The following IQCH variants were observed in gnomAD, a reference collection of about 807,000 sequenced individuals.
IQCH encodes IQ domain-containing protein H.
Under a neutral mutation model 117.0 loss-of-function variants are expected in IQCH, and 98 were observed. The observed-to-expected ratio is 0.84, with a 90% confidence interval of 0.71 to 0.99. The LOEUF (loss-of-function observed/expected upper bound fraction) is 0.99, where lower values mean the gene tolerates loss of function less well. Ranked by LOEUF, IQCH falls within the 50% of genes least tolerant of loss-of-function variation. The pLI is 0.00. For missense variants in IQCH, 1,102 were observed against 1,243.8 expected (o/e 0.89, Z 1.72); for synonymous variants, 412 against 448.2 (o/e 0.92, Z 1.02).
intron 4 of IQCH, among the ~76,000 whole-genome samples, chr15:67,295,705 T>C (rs112073840): frequency 6.6e-6 from 1 of 152,316 alleles, no homozygotes; most frequent in African/African-American, 2.4e-5. Flanking sequence ...TGGTCACATA[T>C]AGACAAATGA....
At chr15:67,452,932 T>C (rs2082568148) in intron 16 of IQCH, among the ~76,000 whole-genome samples, 1 of 152,210 alleles carries the variant, frequency 6.6e-6, no homozygotes, top group Non-Finnish European at 1.5e-5. Flanking sequence ...TTCTTTTTAT[T>C]CTTTTTTCTC....
At chr15:67,346,020 A>T (rs1321711750) in intron 6 of IQCH, among the ~76,000 whole-genome samples, 1 of 152,142 alleles carries the variant, frequency 6.6e-6, no homozygotes, top group Admixed American at 6.5e-5. Context: ...ATAGGACTAG[A>T]CACAAATTAA....
At chr15:67,305,613 G>A (rs556238577) in intron 4 of IQCH, among the ~76,000 whole-genome samples, 19 of 152,162 alleles carry the variant, frequency 1.2e-4, no homozygotes, top group African/African-American at 4.3e-4. Context: ...CTCTTTTGTT[G>A]TTGGTTTTCC....
intron 4 of IQCH, among the ~76,000 whole-genome samples, chr15:67,331,448 A>G (rs1009195827): frequency 6.6e-6 from 1 of 151,862 alleles, no homozygotes; most frequent in Non-Finnish European, 1.5e-5. Context: ...TGGAACTCAT[A>G]AATAAACTAT....
rs748834126 is a variant in IQCH at position 67,478,756 on chromosome 15, T to C, written c.2799+2938T>C. ...CTGGCCAACATGGTGAAACCCCGTC[T>C]GTACTAAAAATACAAAAATTAGCTG... On this transcript the variant is annotated intron_variant, in intron 18 of 20. Transcript: ENST00000335894. Among the ~76,000 whole-genome samples, 7 of 151,986 alleles carry C rather than the reference T, an allele frequency of 4.6e-5. No homozygotes were observed. The South Asian group carries it at 6.2e-4, about 14-fold the overall frequency.
intron 1 of IQCH, 150 bp from the exon 2 acceptor site, chr15:67,261,122 A>T: frequency 2.2e-6 from 1 of 460,062 alleles, no homozygotes; most frequent in Non-Finnish European, 3.8e-6. Context: ...ATGCCTTACA[A>T]CCGTAAAAGT....
In IQCH at chr15:67,430,907, A is replaced by G. The variant is rs1320044024; in HGVS notation, c.2505+9330A>G. On this transcript the variant is annotated intron_variant, in intron 16 of 20. Transcript: ENST00000335894. The surrounding 1 kb of genome is among the most constrained non-coding windows in gnomAD (Gnocchi z 5.1). Reference sequence around the variant, plus strand: ...AGTGACAACTACGTAGAACAATAAAAGAGACATCAAAAAGGTAATATCAGT... The same window carrying G: ...AGTGACAACTACGTAGAACAATAAAGGAGACATCAAAAAGGTAATATCAGT... Among the ~76,000 whole-genome samples the G allele has an allele frequency of 6.6e-6, 1 of 152,258 alleles. No individual in the cohort carries two copies. The highest frequency in any genetic ancestry group is 1.5e-5 in the Non-Finnish European group (1 of 68,054).
At position 67,455,623 on chromosome 15, in the gene IQCH, G is replaced by A. The variant is rs147890018; in HGVS notation, c.2506-9504G>A. Among the ~76,000 whole-genome samples, 25 of 152,266 alleles carry A rather than the reference G, an allele frequency of 1.6e-4. No homozygotes were observed. The East Asian group carries it at 3.1e-3, about 19-fold the overall frequency. ...ACCGAGAGAGGATTTTGCTTTGCAC[G>A]ATGGTCATCGAAGGCTGTTCATAGG... is the stretch of plus-strand genomic sequence containing the variant. On this transcript the variant is annotated intron_variant, in intron 16 of 20. Transcript: ENST00000335894.
In IQCH at chr15:67,400,824, T is replaced by C. The variant is rs562253185; in HGVS notation, c.2097+519T>C. 8.8e-4 allele frequency among the ~76,000 whole-genome samples: 134 copies of C among 152,170 alleles called. 3 individuals are homozygous for C. In the South Asian group the frequency reaches 0.027, roughly 31 times the overall value. On this transcript the variant is annotated intron_variant, in intron 14 of 20. Coordinates refer to ENST00000335894, the MANE Select transcript of IQCH (RefSeq NM_001031715.3). Reference sequence around the variant, plus strand: ...TTTTCAGTGTTTCTTCTCTGGGCCCTAAAAGTCCTTATTCACATCTTGAAA... The same window carrying C: ...TTTTCAGTGTTTCTTCTCTGGGCCCCAAAAGTCCTTATTCACATCTTGAAA...
intron 8 of IQCH, chr15:67,371,571 C>A: frequency 8.1e-7 from 1 of 1,233,032 alleles, no homozygotes; most frequent in Non-Finnish European, 1.2e-6. Flanking sequence ...GTAAAAATGA[C>A]CTCTGGATAT....
At chr15:67,374,445 A>T (rs1219767490) in intron 10 of IQCH, among the ~76,000 whole-genome samples, 1 of 152,262 alleles carries the variant, frequency 6.6e-6, no homozygotes, top group African/African-American at 2.4e-5. Flanking sequence ...ACTTACATGT[A>T]GTGTAGAAAC....
chr15:67,421,831 G>C (rs1027845862), intron 16 of IQCH, among the ~76,000 whole-genome samples: 1 of 152,216 alleles, frequency 6.6e-6, no homozygotes, highest in African/African-American at 2.4e-5. Flanking sequence ...AGGCACAGTG[G>C]CTTACACCTG....
At chr15:67,400,394 T>C in intron 14 of IQCH, 89 bp downstream of exon 14, 1 of 899,290 alleles carries the variant, frequency 1.1e-6, no homozygotes, top group Non-Finnish European at 1.8e-6. Flanking sequence ...GAAAGTACTT[T>C]CCTCTCTACT....
At chr15:67,332,346 C>CA (rs1968702594) in intron 4 of IQCH, among the ~76,000 whole-genome samples, 2 of 152,128 alleles carry the variant, frequency 1.3e-5, no homozygotes, top group African/African-American at 4.8e-5. Flanking sequence ...AGATGGCTGT[C>CA]AGACTTCACA....
intron 4 of IQCH, among the ~76,000 whole-genome samples, chr15:67,318,497 C>A (rs1270223904): frequency 1.3e-5 from 2 of 152,156 alleles, no homozygotes; most frequent in African/African-American, 4.8e-5. Context: ...TAATTCCAAT[C>A]AAAATTCCTA....
At chr15:67,442,892 T>C (rs2082312887) in intron 16 of IQCH, among the ~76,000 whole-genome samples, 1 of 149,816 alleles carries the variant, frequency 6.7e-6, no homozygotes, top group Non-Finnish European at 1.5e-5. Context: ...ATAAAATACA[T>C]ATAGATATAC....
intron 3 of IQCH, among the ~76,000 whole-genome samples, chr15:67,278,215 C>A (rs187877326): frequency 2.0e-5 from 3 of 152,274 alleles, no homozygotes. Context: ...AAGAACAGAA[C>A]GAAGAACAGA....
At chr15:67,400,510 G>T (rs1971617989) in intron 14 of IQCH, among the ~76,000 whole-genome samples, 1 of 614 alleles carries the variant, frequency 1.6e-3, no homozygotes. Context: ...TTTGAGATGG[G>T]GCCTCACTCT....
Position 67,395,650 on chromosome 15 carries a change from A to C in IQCH, c.1905+87A>C. 2 of 1,209,244 alleles carry C rather than the reference A, an allele frequency of 1.7e-6. No homozygotes were observed. Among genetic ancestry groups the C allele is most frequent in the Non-Finnish European group, 2.4e-6 (2 of 849,058 alleles). The allele number at this position is 1,209,244 out of a possible 1,614,324, so 74.9% of individuals were successfully genotyped here. A position where few individuals can be genotyped will look rare whatever the true frequency, so the allele number is the denominator to read the frequency against. On this transcript the variant is annotated intron_variant, in intron 13 of 20. Transcript: ENST00000335894. This position sits in a 1 kb window ranked among gnomAD's most constrained non-coding sequence, Gnocchi z 4.0. Reference sequence around the variant, plus strand: ...CAATTTCCAAGTCTTCTGGAGCCAGACCTACCCAATGAAGAATAGGTGGAA... The same window carrying C: ...CAATTTCCAAGTCTTCTGGAGCCAGCCCTACCCAATGAAGAATAGGTGGAA...
Sources: allele counts gnomAD v4.1 joint callset (sites outside exome capture counted in the v4.1 genomes callset), GRCh38; gene constraint gnomAD v4.1.1; non-coding constraint Gnocchi (gnomAD v3.1); transcripts MANE v1.5; gene names NCBI Gene and HGNC (gene_info 2026-07-23, HGNC 2026-07-21).